METTL16: variants seen among roughly 807,000 people sequenced by gnomAD.
The protein encoded by METTL16 is methyltransferase 16, RNA N6-adenosine.
METTL16 carries 19 observed loss-of-function variants against 57.9 expected under a neutral mutation model. That is an observed-to-expected ratio of 0.33 (90% CI 0.23 to 0.48). METTL16 has a LOEUF of 0.48. METTL16 is among the 20% of genes least tolerant of loss of function. The pLI is 0.99. For synonymous variants in METTL16, 246 were observed against 255.6 expected (o/e 0.96, Z 0.36); for missense variants, 434 against 691.5 (o/e 0.63, Z 4.18).
Position 2,419,840 on chromosome 17 carries a change from T to A in METTL16, c.*130A>T. 8.8e-7 allele frequency: 1 copy of A among 1,137,404 alleles called. No homozygotes were observed. The highest frequency in any genetic ancestry group is 1.5e-5 in the African/African-American group (1 of 64,910). 70.5% of individuals were successfully genotyped at this position (1,137,404 alleles called of 1,614,324 possible). A position where few individuals can be genotyped will look rare whatever the true frequency, so the allele number is the denominator to read the frequency against. ...CGGGGGGAGGTGGGGGACAGATTCATAGGTTTTTGTTTTCGAAGATAATTC... is the reference window on the plus strand; with the variant it reads ...CGGGGGGAGGTGGGGGACAGATTCAAAGGTTTTTGTTTTCGAAGATAATTC... On this transcript the variant is annotated 3_prime_UTR_variant, in exon 10 of 10. Transcript: ENST00000263092.
Position 2,416,699 on chromosome 17 carries a change from T to G in METTL16, c.*3271A>C, listed in dbSNP as rs2066719017. 6.6e-6 allele frequency: 1 copy of G among 152,198 alleles called. No individual in the cohort carries two copies. Among genetic ancestry groups the G allele is most frequent in the Non-Finnish European group, 1.5e-5 (1 of 68,042 alleles). 9.4% of individuals were successfully genotyped at this position (152,198 alleles called of 1,614,324 possible). A position where few individuals can be genotyped will look rare whatever the true frequency, so the allele number is the denominator to read the frequency against. ...TTATCAGGAGACCAGAAGCCGATTC[T>G]AGGGACCAGAAGAGAATGTAGGGTC... On this transcript the variant is annotated 3_prime_UTR_variant, in exon 10 of 10. Transcript: ENST00000263092.
rs1353849931 is a variant in METTL16 at position 2,447,737 on chromosome 17, C to T, written c.729-6178G>A. Reference sequence around the variant, plus strand: ...TCAGCCCCCCGCCCGGCCAGCCGCCCAGTCCGGGAGGGAGGTGGGGGGATC... The same window carrying T: ...TCAGCCCCCCGCCCGGCCAGCCGCCTAGTCCGGGAGGGAGGTGGGGGGATC... On this transcript the variant is annotated intron_variant, in intron 6 of 9. Coordinates refer to ENST00000263092, the MANE Select transcript of METTL16 (RefSeq NM_024086.4). 2.8e-5 allele frequency among the ~76,000 whole-genome samples: 4 copies of T among 142,460 alleles called. No individual in the cohort carries two copies. The East Asian group carries it at 8.6e-4, about 31-fold the overall frequency. The allele number at this position is 142,460 out of a possible 152,430, so 93.5% of individuals were successfully genotyped here.
At chr17:2,511,248 C>G (rs544114475) in intron 1 of METTL16, among the ~76,000 whole-genome samples, 1 of 150,170 alleles carries the variant, frequency 6.7e-6, no homozygotes, top group Admixed American at 6.7e-5. Flanking sequence ...CATCTCCATG[C>G]TTCTGTTTCC....
In METTL16 at chr17:2,420,634, G is replaced by C. The variant is rs777697065; in HGVS notation, c.1063-38C>G. ...AAAACAGAATTTTGTGGGAAATCAC[G>C]TTTCCCCTCTCTCCAAACTCTCAAT... On this transcript the variant is annotated intron_variant, in intron 9 of 9. Transcript: ENST00000263092. The surrounding 1 kb of genome is among the most constrained non-coding windows in gnomAD (Gnocchi z 5.4). 6.4e-7 allele frequency: 1 copy of C among 1,569,764 alleles called. No homozygotes were observed. Among genetic ancestry groups the C allele is most frequent in the Non-Finnish European group, 8.6e-7 (1 of 1,163,814 alleles).
chr17:2,484,578 T>A (rs2067328515), intron 2 of METTL16, among the ~76,000 whole-genome samples: 1 of 151,698 alleles, frequency 6.6e-6, no homozygotes, highest in Non-Finnish European at 1.5e-5. Flanking sequence ...CACTGCAACC[T>A]CCACCTCCCG....
intron 2 of METTL16, among the ~76,000 whole-genome samples, chr17:2,493,483 C>A (rs954171611): frequency 4.6e-5 from 7 of 151,788 alleles, no homozygotes; most frequent in Non-Finnish European, 8.8e-5. Flanking sequence ...CTTTGGGAGG[C>A]CAAAGCGGGC....
chr17:2,493,738 T>C (rs541260732), intron 2 of METTL16, among the ~76,000 whole-genome samples: 3 of 143,828 alleles, frequency 2.1e-5, no homozygotes, highest in East Asian at 4.1e-4. Flanking sequence ...AAAAAAACCA[T>C]TGTAAAAATG....
intron 2 of METTL16, among the ~76,000 whole-genome samples, chr17:2,501,136 T>TA (rs1163857689): frequency 6.6e-6 from 1 of 151,774 alleles, no homozygotes; most frequent in Non-Finnish European, 1.5e-5. Flanking sequence ...AAAGTAAAAA[T>TA]AAAAAATCAA....
chr17:2,488,780 G>A (rs1270325208), intron 2 of METTL16, among the ~76,000 whole-genome samples: 2 of 152,072 alleles, frequency 1.3e-5, no homozygotes, highest in Admixed American at 6.6e-5. Flanking sequence ...TTAACACACT[G>A]TACACTTAAA....
At chr17:2,479,984 C>T (rs552799192) in intron 2 of METTL16, among the ~76,000 whole-genome samples, 8 of 151,878 alleles carry the variant, frequency 5.3e-5, no homozygotes, top group African/African-American at 1.7e-4. Flanking sequence ...GTTGGGAGTT[C>T]GAGACCAGCC....
At chr17:2,459,167 C>T (rs2067131278) in intron 6 of METTL16, among the ~76,000 whole-genome samples, 2 of 152,106 alleles carry the variant, frequency 1.3e-5, no homozygotes, top group South Asian at 4.1e-4. Flanking sequence ...CACAAAAAGC[C>T]AAAGTAAGGG....
chr17:2,441,343 C>T, intron 7 of METTL16, 147 bp downstream of exon 7: 1 of 510,584 alleles, frequency 2.0e-6, no homozygotes, highest in Non-Finnish European at 3.3e-6. Flanking sequence ...GTAGGACATG[C>T]ACAACGACAT....
intron 2 of METTL16, among the ~76,000 whole-genome samples, chr17:2,501,914 A>G (rs1184391222): frequency 6.6e-6 from 1 of 152,162 alleles, no homozygotes; most frequent in East Asian, 1.9e-4. Context: ...TAGATCACAA[A>G]GAGCACAATC....
At position 2,441,492 on chromosome 17, in the gene METTL16, C is replaced by T. The variant is rs775901590; in HGVS notation, c.796G>A (p.Gly266Arg). 1.9e-6 allele frequency: 3 copies of T among 1,593,530 alleles called. No individual in the cohort carries two copies. Among genetic ancestry groups the T allele is most frequent in the Non-Finnish European group, 2.6e-6 (3 of 1,168,434 alleles). Residue 266 changes from glycine to arginine, a missense_variant and splice_region_variant, in exon 7 of 10, where the codon GGG (glycine) becomes AGG (arginine). Coordinates refer to ENST00000263092, the MANE Select transcript of METTL16 (RefSeq NM_024086.4). ...APLKEELRIQGVPKVTYTEFC... is the reference protein window; with the variant it reads ...APLKEELRIQRVPKVTYTEFC... ...GAACAGTAATGAGGAAGCCTCACCCCTTGTATGCGAAGCTCCTCCTTCAGA... is the reference window on the plus strand; with the variant it reads ...GAACAGTAATGAGGAAGCCTCACCCTTTGTATGCGAAGCTCCTCCTTCAGA...
intron 1 of METTL16, 114 bp from the exon 2 acceptor site, chr17:2,502,445 T>C (rs1184543722): frequency 3.4e-6 from 3 of 885,920 alleles, no homozygotes; most frequent in Non-Finnish European, 5.2e-6. Flanking sequence ...CCAAGGTAAG[T>C]AGATCACCTG....
intron 6 of METTL16, among the ~76,000 whole-genome samples, chr17:2,454,563 A>ATTTTTTTT (rs5818860): frequency 7.9e-6 from 1 of 126,252 alleles, no homozygotes; most frequent in Non-Finnish European, 1.6e-5. Flanking sequence ...TATTATTATT[A>ATTTTTTTT]TTTTTTTTTT....
chr17:2,491,003 A>C (rs1286414830), intron 2 of METTL16, among the ~76,000 whole-genome samples: 1 of 152,170 alleles, frequency 6.6e-6, no homozygotes, highest in Non-Finnish European at 1.5e-5. Flanking sequence ...TTTGTTGTTT[A>C]TTTTCTTTTC....
At position 2,448,802 on chromosome 17, in the gene METTL16, TAAAAAAA is replaced by T. The variant is rs71150866; in HGVS notation, c.729-7250_729-7244del. Among the ~76,000 whole-genome samples, 147 of 43,626 alleles carry T rather than the reference TAAAAAAA, an allele frequency of 3.4e-3. 1 individual carries two copies. The highest frequency in any genetic ancestry group is 4.5e-3 in the Non-Finnish European group (113 of 25,388). The allele number at this position is 43,626 out of a possible 152,430, so 28.6% of individuals were successfully genotyped here. On this transcript the variant is annotated intron_variant, in intron 6 of 9. Coordinates refer to ENST00000263092, the MANE Select transcript of METTL16 (RefSeq NM_024086.4). ...AAAATAAAAAAATAAAAATAAAATT[TAAAAAAA>T]AAAAAAAAAAAAAAAAAGAGCATCC...
intron 2 of METTL16, among the ~76,000 whole-genome samples, chr17:2,483,609 C>T (rs2067322240): frequency 6.6e-6 from 1 of 152,190 alleles, no homozygotes. Context: ...GAACACATTT[C>T]TGCTTTACTC....
Sources: allele counts gnomAD v4.1 joint callset (sites outside exome capture counted in the v4.1 genomes callset), GRCh38; gene constraint gnomAD v4.1.1; non-coding constraint Gnocchi (gnomAD v3.1); transcripts MANE v1.5; gene names NCBI Gene and HGNC (gene_info 2026-07-23, HGNC 2026-07-21).